The following RSRC1 variants were observed in gnomAD, a reference collection of about 807,000 sequenced individuals.
RSRC1 encodes arginine and serine rich coiled-coil 1, also known as serine/Arginine-related protein 53.
Under a neutral mutation model 49.1 loss-of-function variants are expected in RSRC1, and 39 were observed. The ratio of observed to expected loss-of-function variants is 0.79; its 90% CI spans 0.61 to 1.04. The LOEUF (loss-of-function observed/expected upper bound fraction) is 1.04, where lower values mean the gene tolerates loss of function less well. RSRC1 is among the 50% of genes least tolerant of loss of function. The pLI is 0.00. For missense variants in RSRC1, 388 were observed against 402.4 expected, an observed-to-expected ratio of 0.96 and a Z score of 0.31; for synonymous variants, 143 against 130.8, an observed-to-expected ratio of 1.09 and a Z score of -0.63.
intron 3 of RSRC1, among the ~76,000 whole-genome samples, chr3:158,186,328 G>A (rs1719929638): frequency 6.6e-6 from 1 of 151,930 alleles, no homozygotes; most frequent in Non-Finnish European, 1.5e-5. Flanking sequence ...TGCTTATGGA[G>A]CAGCTGTTAA....
At chr3:158,246,811 A>G (rs1208727809) in intron 4 of RSRC1, among the ~76,000 whole-genome samples, 1 of 152,090 alleles carries the variant, frequency 6.6e-6, no homozygotes, top group African/African-American at 2.4e-5. Context: ...GCTGCCCTTA[A>G]CATTTTTTCT....
intron 6 of RSRC1, among the ~76,000 whole-genome samples, chr3:158,388,584 T>G (rs942958371): frequency 1.3e-5 from 2 of 150,442 alleles, no homozygotes; most frequent in Non-Finnish European, 3.0e-5. Context: ...TACCAGGCAT[T>G]TGGGGAGCCA....
intron 5 of RSRC1, chr3:158,303,623 G>A (rs1727688645): frequency 6.6e-6 from 1 of 152,154 alleles, no homozygotes; most frequent in Non-Finnish European, 1.5e-5. Flanking sequence ...TACATTAAAA[G>A]GCCTTAAATT....
rs138242425 is a variant in RSRC1, at chr3:158,135,131, C to G, written c.320+11140C>G. ...TCTCAATATTTGATGAACCAAAATA[C>G]CGTACCAGCTAATAACATAATATTT... On this transcript the variant is annotated intron_variant, in intron 3 of 9. Transcript: ENST00000611884. Among the ~76,000 whole-genome samples, 308 of 152,210 alleles carry G rather than the reference C, an allele frequency of 2.0e-3. 2 individuals carry two copies. Among genetic ancestry groups the G allele is most frequent in the African/African-American group, 7.0e-3 (289 of 41,528 alleles).
At chr3:158,279,170 A>T (rs1021789831) in intron 4 of RSRC1, among the ~76,000 whole-genome samples, 1 of 152,204 alleles carries the variant, frequency 6.6e-6, no homozygotes, top group Admixed American at 6.5e-5. Context: ...AACTGCGTTT[A>T]GTTATGCTAT....
chr3:158,420,975 G>A (rs950711805), intron 6 of RSRC1, among the ~76,000 whole-genome samples: 6 of 151,894 alleles, frequency 4.0e-5, no homozygotes, highest in Non-Finnish European at 8.8e-5. Context: ...TGAAGCAAAA[G>A]GATCAAGTAA....
chr3:158,280,729 C>T (rs978894729), intron 4 of RSRC1, among the ~76,000 whole-genome samples: 10 of 147,098 alleles, frequency 6.8e-5, no homozygotes, highest in African/African-American at 2.0e-4. Context: ...TCACTGCAAC[C>T]TCTGCCTCCT....
intron 4 of RSRC1, among the ~76,000 whole-genome samples, chr3:158,204,458 G>A (rs1436779032): frequency 6.6e-6 from 1 of 152,092 alleles, no homozygotes; most frequent in African/African-American, 2.4e-5. Flanking sequence ...CTAGTTTTAA[G>A]GATTGTGAAA....
At chr3:158,198,786 G>A (rs369509587) in intron 3 of RSRC1, among the ~76,000 whole-genome samples, 11 of 152,088 alleles carry the variant, frequency 7.2e-5, no homozygotes, top group Admixed American at 2.0e-4. Flanking sequence ...GGAGCTGTTC[G>A]TATTCGGCCA....
intron 4 of RSRC1, among the ~76,000 whole-genome samples, chr3:158,218,271 G>A (rs377252944): frequency 2.0e-5 from 3 of 151,648 alleles, no homozygotes; most frequent in Non-Finnish European, 4.4e-5. Flanking sequence ...ATTGCAGAGG[G>A]ATAAGTAAGA....
At chr3:158,334,226 T>G (rs949419544) in intron 5 of RSRC1, among the ~76,000 whole-genome samples, 3 of 152,084 alleles carry the variant, frequency 2.0e-5, no homozygotes, top group African/African-American at 7.2e-5. Flanking sequence ...TTAGAAAAAA[T>G]TTAGGAACCT....
intron 7 of RSRC1, among the ~76,000 whole-genome samples, chr3:158,502,842 T>A (rs1175607531): frequency 1.3e-5 from 2 of 152,202 alleles, no homozygotes; most frequent in Non-Finnish European, 2.9e-5. Context: ...ATAACTAACC[T>A]CCTGAATTCT....
chr3:158,139,949 AT>A (rs1005288707), intron 3 of RSRC1, among the ~76,000 whole-genome samples: 45 of 151,872 alleles, frequency 3.0e-4, no homozygotes, highest in Middle Eastern at 3.4e-3. Flanking sequence ...TCCAATTAGT[AT>A]TTTTTTTCTT....
At chr3:158,172,471 T>G (rs1040616217) in intron 3 of RSRC1, among the ~76,000 whole-genome samples, 1 of 152,204 alleles carries the variant, frequency 6.6e-6, no homozygotes, top group Non-Finnish European at 1.5e-5. Flanking sequence ...GAAGATACTT[T>G]TTTAAAGAAC....
chr3:158,508,784 C>G (rs1390883465), intron 7 of RSRC1, among the ~76,000 whole-genome samples: 1 of 152,138 alleles, frequency 6.6e-6, no homozygotes, highest in Non-Finnish European at 1.5e-5. Flanking sequence ...AGTATCTCAT[C>G]ACGTAGGCAT....
At position 158,437,227 on chromosome 3, in the gene RSRC1, T is replaced by C. The variant is rs191769928; in HGVS notation, c.584-23708T>C. Among the ~76,000 whole-genome samples, 34 of 152,198 alleles carry C rather than the reference T, an allele frequency of 2.2e-4. 1 individual carries two copies. The East Asian group carries it at 5.8e-3, about 26-fold the overall frequency. ...TCAGTATAAATAAGTAATATTTTGC[T>C]ATTTGCTATTTTGATGGAATAAGTG... On this transcript the variant is annotated intron_variant, in intron 6 of 9. Transcript: ENST00000611884.
intron 6 of RSRC1, among the ~76,000 whole-genome samples, chr3:158,436,914 A>G (rs1183263653): frequency 6.6e-6 from 1 of 152,002 alleles, no homozygotes. Context: ...AGAGATTAAG[A>G]TACTTGTTGC....
chr3:158,222,510 AAT>A (rs1434924686), intron 4 of RSRC1, among the ~76,000 whole-genome samples: 2 of 151,462 alleles, frequency 1.3e-5, no homozygotes, highest in Non-Finnish European at 3.0e-5. Context: ...GTACACTATA[AAT>A]ATATATAATT....
intron 5 of RSRC1, among the ~76,000 whole-genome samples, chr3:158,322,794 T>C (rs1728837550): frequency 6.6e-6 from 1 of 151,942 alleles, no homozygotes; most frequent in African/African-American, 2.4e-5. Flanking sequence ...TTCATTTTCC[T>C]TCAATGTTTT....
Sources: gnomAD v4.1 joint callset for allele counts (sites outside exome capture counted in the v4.1 genomes callset) on GRCh38, gnomAD v4.1.1 for gene constraint, MANE v1.5 for transcripts, NCBI Gene and HGNC (gene_info 2026-07-23, HGNC 2026-07-21) for gene names.